The following PCDHGA10 variants were observed in gnomAD, a reference collection of about 807,000 sequenced individuals.
PCDHGA10 encodes protocadherin gamma-A10.
PCDHGA10 carries 42 observed loss-of-function variants against 59.5 expected under a neutral mutation model. The observed-to-expected ratio is 0.71, with a 90% CI of 0.55 to 0.91. PCDHGA10 has a LOEUF of 0.91. Ranked by LOEUF, PCDHGA10 falls within the 40% of genes least tolerant of loss-of-function variation. The pLI, the probability that PCDHGA10 is intolerant of heterozygous loss-of-function variation, is 0.00. For synonymous variants in PCDHGA10, 511 were observed against 517.2 expected (o/e 0.99, Z 0.16); for missense variants, 1,111 against 1,198.2 (o/e 0.93, Z 1.07).
At position 141,474,586 on chromosome 5, in the gene PCDHGA10, A is replaced by T. The variant is rs149003643; in HGVS notation, c.2437-20221A>T. 7.1e-4 allele frequency among the ~76,000 whole-genome samples: 108 copies of T among 152,340 alleles called. No individual in the cohort carries two copies. The East Asian group carries it at 0.015, about 21-fold the overall frequency. The stretch of plus-strand genomic sequence containing the variant: ...TCAGAGATTAATTGAAGTGTTAAAG[A>T]CATGGAAATATAGGTCACATATGGC... On this transcript the variant is annotated intron_variant, in intron 1 of 3. Coordinates refer to ENST00000398610, the MANE Select transcript of PCDHGA10 (RefSeq NM_018913.3).
At chr5:141,443,980 T>A (rs2098412674) in intron 1 of PCDHGA10, among the ~76,000 whole-genome samples, 1 of 152,036 alleles carries the variant, frequency 6.6e-6, no homozygotes, top group South Asian at 2.1e-4. Context: ...CTAAGCTATG[T>A]TAATTTTATT....
chr5:141,433,514 G>C (rs1330494451), intron 1 of PCDHGA10, among the ~76,000 whole-genome samples: 1 of 152,016 alleles, frequency 6.6e-6, no homozygotes, highest in East Asian at 1.9e-4. Context: ...GATTACAGGC[G>C]TGAACCACAG....
chr5:141,498,971 G>GGGAAGGAAGGAAGGAAGGAA (rs201769957), intron 2 of PCDHGA10, among the ~76,000 whole-genome samples: 36 of 111,052 alleles, frequency 3.2e-4, no homozygotes, highest in African/African-American at 9.0e-4. Context: ...GAGGGAGGGA[G>GGGAAGGAAGGAAGGAAGGAA]GGAAGGAAGG....
intron 1 of PCDHGA10, among the ~76,000 whole-genome samples, chr5:141,456,919 C>T (rs2098898169): frequency 1.3e-5 from 2 of 152,124 alleles, no homozygotes; most frequent in South Asian, 4.1e-4. Context: ...GCCGAGATCG[C>T]ACCACTGCAC....
chr5:141,485,245 G>C lies in PCDHGA10; in HGVS notation c.2437-9562G>C. 1 of 1,614,188 alleles carries C rather than the reference G, an allele frequency of 6.2e-7. No individual in the cohort carries two copies. Among genetic ancestry groups the C allele is most frequent in the Non-Finnish European group, 8.5e-7 (1 of 1,180,008 alleles). On this transcript the variant is annotated intron_variant, in intron 1 of 3. Coordinates refer to ENST00000398610, the MANE Select transcript of PCDHGA10 (RefSeq NM_018913.3). This position sits in a 1 kb window ranked among gnomAD's most constrained non-coding sequence, Gnocchi z 5.7. The stretch of plus-strand genomic sequence containing the variant: ...CCCTTTTGTTCCTCTTTTACCACCT[G>C]GGTTACGTTTGTGGGCAGATCCGCT...
chr5:141,414,287 C>G lies in PCDHGA10; in HGVS notation c.1112C>G (p.Ala371Gly). The G allele has an allele frequency of 6.2e-7, 1 of 1,613,434 alleles. No homozygotes were observed. The highest frequency in any genetic ancestry group is 8.5e-7 in the Non-Finnish European group (1 of 1,179,702). The change falls in exon 1 of 4, where the codon GCC becomes GGC. Residue 371 changes from alanine (A) to glycine (G), a missense_variant. Ala to Gly is a moderately conservative substitution (Grantham distance 60). Coordinates refer to ENST00000398610, the MANE Select transcript of PCDHGA10 (RefSeq NM_018913.3). ...TEDSPLGTVV[A>G]LLNVHDLDSE... ...GATTCACCTCTGGGAACAGTCGTAG[C>G]CCTTTTAAATGTGCATGATTTAGAC...
At chr5:141,444,599 A>G (rs373366708) in intron 1 of PCDHGA10, among the ~76,000 whole-genome samples, 2 of 152,108 alleles carry the variant, frequency 1.3e-5, no homozygotes, top group African/African-American at 2.4e-5. Flanking sequence ...CCTTATTTAA[A>G]ATTGATTTTT....
chr5:141,421,507 G>A lies in PCDHGA10; in HGVS notation c.2436+5896G>A, dbSNP rs758920296. On this transcript the variant is annotated intron_variant, in intron 1 of 3. Coordinates refer to ENST00000398610, the MANE Select transcript of PCDHGA10 (RefSeq NM_018913.3). ...GATCACGGCAGGCAGGATAGACCGG[G>A]AGGAGCTCTGTGAGACGGTGTCCTC... The A allele has an allele frequency of 6.8e-6, 11 of 1,614,070 alleles. No homozygotes were observed. The South Asian group carries it at 1.2e-4, about 18-fold the overall frequency.
Position 141,413,675 on chromosome 5 carries a change from G to C in PCDHGA10, c.500G>C (p.Gly167Ala), listed in dbSNP as rs773300658. ...PLPEAIDPDV[G>A]VNSLQSYQLS... ...CCGGAAGCTATTGATCCGGATGTGG[G>C]CGTGAACTCCCTGCAGAGCTATCAG... Residue 167 changes from glycine (G) to alanine (A), a missense_variant, in exon 1 of 4, where the codon GGC (glycine) becomes GCC (alanine). Transcript: ENST00000398610. The C allele has an allele frequency of 6.2e-7, 1 of 1,613,826 alleles. No homozygotes were observed. The highest frequency in any genetic ancestry group is 8.5e-7 in the Non-Finnish European group (1 of 1,179,894).
In PCDHGA10 at chr5:141,486,748, T is replaced by C; in HGVS notation, c.2437-8059T>C. ...TTCATGCTACTCGATCCTTTGACTA[T>C]GAGCAAACCCAGACACTGCAGTTTG... is the stretch of plus-strand genomic sequence containing the variant. On this transcript the variant is annotated intron_variant, in intron 1 of 3. Coordinates refer to ENST00000398610, the MANE Select transcript of PCDHGA10 (RefSeq NM_018913.3). The surrounding 1 kb of genome is among the most constrained non-coding windows in gnomAD (Gnocchi z 5.0). 6.2e-7 allele frequency: 1 copy of C among 1,614,230 alleles called. No individual in the cohort carries two copies. The highest frequency in any genetic ancestry group is 8.5e-7 in the Non-Finnish European group (1 of 1,180,042).
At chr5:141,436,425 G>A (rs2097823674) in intron 1 of PCDHGA10, among the ~76,000 whole-genome samples, 2 of 152,268 alleles carry the variant, frequency 1.3e-5, no homozygotes, top group Non-Finnish European at 2.9e-5. Context: ...AACAAATAAT[G>A]TACTCTGGGG....
At chr5:141,427,880 C>G in intron 1 of PCDHGA10, 5 of 1,563,170 alleles carry the variant, frequency 3.2e-6, no homozygotes, top group Non-Finnish European at 3.5e-6. Context: ...CGATGCAGGC[C>G]CACGACCAGG....
rs768741206 is a variant in PCDHGA10, at chr5:141,414,733, G to A, written c.1558G>A (p.Ala520Thr). 1.2e-6 allele frequency: 2 copies of A among 1,614,174 alleles called. No homozygotes were observed. ...CAACTCAGACACTGGCGTCCTGTAT[G>A]CACTCAGATCCTTCGACTATGAGCA... The part of the protein sequence containing the change: ...SINSDTGVLY[A>T]LRSFDYEQFH... The change falls in exon 1 of 4, where the codon GCA becomes ACA. Residue 520 changes from alanine to threonine, a missense_variant. Coordinates refer to ENST00000398610, the MANE Select transcript of PCDHGA10 (RefSeq NM_018913.3).
At chr5:141,427,863 G>A (rs769808388) in intron 1 of PCDHGA10, 1 of 1,557,316 alleles carries the variant, frequency 6.4e-7, no homozygotes, top group Non-Finnish European at 8.8e-7. Context: ...GTGCGCCTTC[G>A]AGCTCACGAT....
intron 2 of PCDHGA10, among the ~76,000 whole-genome samples, chr5:141,500,112 C>G (rs2099796438): frequency 6.8e-6 from 1 of 147,138 alleles, no homozygotes; most frequent in Non-Finnish European, 1.5e-5. Context: ...TGTTGAATCC[C>G]TGCCTTTTCA....
intron 1 of PCDHGA10, chr5:141,421,492 G>C: frequency 1.7e-5 from 28 of 1,614,106 alleles, no homozygotes; most frequent in Non-Finnish European, 2.3e-5. Flanking sequence ...GATCACGGCA[G>C]GCAGGATAGA....
rs1364068033 is a variant in PCDHGA10 at position 141,490,353 on chromosome 5, G to A, written c.2437-4454G>A. 3.1e-6 allele frequency: 5 copies of A among 1,614,090 alleles called. No individual in the cohort carries two copies. The highest frequency in any genetic ancestry group is 4.2e-6 in the Non-Finnish European group (5 of 1,180,046). On this transcript the variant is annotated intron_variant, in intron 1 of 3. Transcript: ENST00000398610. This position sits in a 1 kb window ranked among gnomAD's most constrained non-coding sequence, Gnocchi z 5.4. ...CACCAGTGGGCACAGTAGTGGGGTT[G>A]TTTAATGTGCGAGACCGGGACTCAG...
chr5:141,485,938 A>G lies in PCDHGA10; in HGVS notation c.2437-8869A>G. The stretch of plus-strand genomic sequence containing the variant: ...ACAGGATTAGTGTGTTGGAGAGCGC[A>G]CCAGCGGGCATGGTGCTCATCCAGC... On this transcript the variant is annotated intron_variant, in intron 1 of 3. Transcript: ENST00000398610. The surrounding 1 kb of genome is among the most constrained non-coding windows in gnomAD (Gnocchi z 5.7). 6.2e-7 allele frequency: 1 copy of G among 1,614,162 alleles called. No individual in the cohort carries two copies. The highest frequency in any genetic ancestry group is 1.3e-5 in the African/African-American group (1 of 75,028).
At chr5:141,503,230 G>A (rs911238781) in intron 2 of PCDHGA10, among the ~76,000 whole-genome samples, 1 of 152,006 alleles carries the variant, frequency 6.6e-6, no homozygotes, top group African/African-American at 2.4e-5. Context: ...CCGTAAAGAT[G>A]GACAGTTTCT....
Sources: gnomAD v4.1 joint callset for allele counts (sites outside exome capture counted in the v4.1 genomes callset) on GRCh38, gnomAD v4.1.1 for gene constraint, Gnocchi (gnomAD v3.1) non-coding constraint, MANE v1.5 for transcripts, NCBI Gene and HGNC (gene_info 2026-07-23, HGNC 2026-07-21) for gene names.